CHIC1: variants seen among roughly 807,000 people sequenced by gnomAD.
CHIC1 encodes cysteine-rich hydrophobic domain-containing protein 1.
Under a neutral mutation model 18.5 loss-of-function variants are expected in CHIC1, and 7 were observed. The observed-to-expected ratio is 0.38, with a 90% CI of 0.22 to 0.71. The LOEUF is 0.71. Among genes scored for constraint, CHIC1 ranks in the 30% least tolerant of loss-of-function variants. CHIC1 has a pLI of 0.49. For synonymous variants in CHIC1, 77 were observed against 73.5 expected, an observed-to-expected ratio of 1.05 and a Z score of -0.25; for missense variants, 159 against 176.9, an observed-to-expected ratio of 0.90 and a Z score of 0.57.
intron 3 of CHIC1, among the ~76,000 whole-genome samples, chrX:73,631,830 A>G (rs954408316): frequency 9.0e-6 from 1 of 111,203 alleles, no homozygotes; most frequent in Non-Finnish European, 1.9e-5. Context: ...TAATTTCCAC[A>G]TATTTGTGAG....
At chrX:73,650,600 G>A (rs1188524701) in intron 3 of CHIC1, among the ~76,000 whole-genome samples, 1 of 106,550 alleles carries the variant, frequency 9.4e-6, no homozygotes, top group African/African-American at 3.5e-5. Flanking sequence ...TAAACTCCTC[G>A]ACACATACAC....
chrX:73,645,870 T>G (rs1167205397), intron 3 of CHIC1, among the ~76,000 whole-genome samples: 1 of 111,962 alleles, frequency 8.9e-6, no homozygotes, highest in African/African-American at 3.2e-5. Flanking sequence ...CTGTTAATTA[T>G]TTCCTTTGCA....
chrX:73,678,118 G>A (rs984862780), intron 3 of CHIC1, among the ~76,000 whole-genome samples: 1 of 110,803 alleles, frequency 9.0e-6, no homozygotes, highest in Admixed American at 9.5e-5. Flanking sequence ...ATTTTGGTTG[G>A]GTAGGGTGCT....
chrX:73,676,551 C>T (rs901168408), intron 3 of CHIC1, among the ~76,000 whole-genome samples: 29 of 111,939 alleles, frequency 2.6e-4, no homozygotes, highest in African/African-American at 9.4e-4. Context: ...GCATTCGTCA[C>T]GTAGCTCTCG....
intron 3 of CHIC1, among the ~76,000 whole-genome samples, chrX:73,626,461 C>T (rs1017800581): frequency 2.7e-5 from 3 of 110,833 alleles, no homozygotes; most frequent in Admixed American, 9.7e-5. Context: ...TTTCTAGATC[C>T]TGTTGGCATG....
intron 3 of CHIC1, among the ~76,000 whole-genome samples, chrX:73,676,067 T>C (rs1315719376): frequency 8.9e-6 from 1 of 112,133 alleles, no homozygotes; most frequent in African/African-American, 3.2e-5. Flanking sequence ...GCCCCCACTC[T>C]CTTCTGGCTT....
chrX:73,627,832 CT>C (rs1301687551), intron 3 of CHIC1, among the ~76,000 whole-genome samples: 1 of 111,716 alleles, frequency 9.0e-6, no homozygotes, highest in Non-Finnish European at 1.9e-5. Flanking sequence ...AGAAAGTCTT[CT>C]TTACTTTGCC....
At chrX:73,631,954 A>G (rs1314979005) in intron 3 of CHIC1, among the ~76,000 whole-genome samples, 1 of 112,061 alleles carries the variant, frequency 8.9e-6, no homozygotes, top group Non-Finnish European at 1.9e-5. Flanking sequence ...GGCCTAATGT[A>G]TGCTCTGTTC....
At position 73,610,338 on chromosome X, in the gene CHIC1, T is replaced by C. The variant is rs1239670087; in HGVS notation, c.507+25766T>C. ...GGGAGAGGGAGGTTCCCCGGCTCCA[T>C]GCATTTTCCGGGTGAAGTGATGCCC... On this transcript the variant is annotated intron_variant, in intron 3 of 5. Coordinates refer to ENST00000373502, the MANE Select transcript of CHIC1 (RefSeq NM_001039840.4). Among the ~76,000 whole-genome samples, 4 of 108,827 alleles carry C rather than the reference T, an allele frequency of 3.7e-5. No homozygotes were observed. In the East Asian group the frequency reaches 1.1e-3, roughly 31 times the overall value. 94.5% of individuals were successfully genotyped at this position (108,827 alleles called of 115,157 possible).
At chrX:73,644,050 G>A (rs1041119430) in intron 3 of CHIC1, among the ~76,000 whole-genome samples, 1 of 111,849 alleles carries the variant, frequency 8.9e-6, no homozygotes, top group African/African-American at 3.3e-5. Context: ...TTTTTGGTGT[G>A]GATGTCCTTT....
chrX:73,668,544 T>G (rs189430691), intron 3 of CHIC1, among the ~76,000 whole-genome samples: 294 of 111,649 alleles, frequency 2.6e-3, no homozygotes, highest in Non-Finnish European at 3.9e-3. Context: ...GGTTTTTGTG[T>G]TTTTTTATTG....
intron 3 of CHIC1, among the ~76,000 whole-genome samples, chrX:73,641,746 C>T (rs1381242772): frequency 1.8e-5 from 2 of 109,227 alleles, no homozygotes; most frequent in Non-Finnish European, 3.8e-5. Context: ...TCAGTTCCCA[C>T]CTGTGAGTGA....
At chrX:73,635,874 T>C (rs1166280921) in intron 3 of CHIC1, among the ~76,000 whole-genome samples, 1 of 111,469 alleles carries the variant, frequency 9.0e-6, no homozygotes, top group Non-Finnish European at 1.9e-5. Context: ...GATGGAGTGT[T>C]GTGTATATGT....
At position 73,657,220 on chromosome X, in the gene CHIC1, C is replaced by T. The variant is rs1473375838; in HGVS notation, c.508-22106C>T. 9.1e-5 allele frequency among the ~76,000 whole-genome samples: 10 copies of T among 109,453 alleles called. No homozygotes were observed. The South Asian group carries it at 1.6e-3, about 17-fold the overall frequency. On this transcript the variant is annotated intron_variant, in intron 3 of 5. Transcript: ENST00000373502. ...GACTACAGGTGCCCGCCACCATGCC[C>T]GGCTACTTTTTTTTATTTTTTAGTA...
At chrX:73,660,282 G>A (rs2057973187) in intron 3 of CHIC1, among the ~76,000 whole-genome samples, 1 of 111,888 alleles carries the variant, frequency 8.9e-6, no homozygotes, top group African/African-American at 3.3e-5. Context: ...GATATGTAGT[G>A]TTACCTGGCA....
chrX:73,632,958 T>C (rs113993716), intron 3 of CHIC1, among the ~76,000 whole-genome samples: 5,017 of 107,343 alleles, frequency 0.047, 322 homozygotes, highest in African/African-American at 0.16. Context: ...TTAGTTGAGA[T>C]GGGGTTTCAC....
Position 73,681,094 on chromosome X carries a change from T to G in CHIC1, c.*89T>G. On this transcript the variant is annotated 3_prime_UTR_variant, in exon 6 of 6. Coordinates refer to ENST00000373502, the MANE Select transcript of CHIC1 (RefSeq NM_001039840.4). ...GGAATGAAGATGGTCTCCTTTGCTGTGTTCAACTTATTCTTTATAATGGTA... is the reference window on the plus strand; with the variant it reads ...GGAATGAAGATGGTCTCCTTTGCTGGGTTCAACTTATTCTTTATAATGGTA... 1 of 524,315 alleles carries G rather than the reference T, an allele frequency of 1.9e-6. No homozygotes were observed. Among genetic ancestry groups the G allele is most frequent in the Non-Finnish European group, 3.1e-6 (1 of 317,842 alleles). The allele number at this position is 524,315 out of a possible 1,213,427, so 43.2% of individuals were successfully genotyped here.
chrX:73,627,312 T>C (rs1332041336), intron 3 of CHIC1, among the ~76,000 whole-genome samples: 6 of 112,314 alleles, frequency 5.3e-5, no homozygotes, highest in Non-Finnish European at 9.4e-5. Flanking sequence ...ACTCGCTGAC[T>C]ACTACCTATG....
At chrX:73,586,877 A>G (rs1465497112) in intron 3 of CHIC1, among the ~76,000 whole-genome samples, 1 of 112,087 alleles carries the variant, frequency 8.9e-6, no homozygotes, top group African/African-American at 3.2e-5. Context: ...ACTTTTTCTT[A>G]AAGAACCAAA....
Sources: allele counts gnomAD v4.1 joint callset (sites outside exome capture counted in the v4.1 genomes callset), GRCh38; gene constraint gnomAD v4.1.1; transcripts MANE v1.5; gene names NCBI Gene and HGNC (gene_info 2026-07-23, HGNC 2026-07-21).